The following VPS50 variants were observed in gnomAD, a reference collection of about 807,000 sequenced individuals.
The protein encoded by VPS50 is syndetin.
Under a neutral mutation model 139.7 loss-of-function variants are expected in VPS50, and 70 were observed. That is an observed-to-expected ratio of 0.50 (90% CI 0.41 to 0.61). VPS50 has a LOEUF of 0.61. VPS50 is among the 20% of genes least tolerant of loss of function. The pLI, the probability that VPS50 is intolerant of heterozygous loss-of-function variation, is 0.00. For synonymous variants in VPS50, 365 were observed against 376.7 expected, an observed-to-expected ratio of 0.97 and a Z score of 0.36; for missense variants, 921 against 1,133.7, an observed-to-expected ratio of 0.81 and a Z score of 2.69.
intron 20 of VPS50, among the ~76,000 whole-genome samples, chr7:93,319,540 C>T (rs899619383): frequency 2.0e-5 from 3 of 152,080 alleles, no homozygotes; most frequent in African/African-American, 7.2e-5. Flanking sequence ...TTATTTTCTT[C>T]AGAACTGGAA....
At chr7:93,266,129 G>C (rs1161545275) in intron 9 of VPS50, among the ~76,000 whole-genome samples, 2 of 152,176 alleles carry the variant, frequency 1.3e-5, no homozygotes, top group African/African-American at 4.8e-5. Flanking sequence ...AAACAGACTG[G>C]AACGTCAGTG....
In VPS50 at chr7:93,348,554, C is replaced by T. The variant is rs1798468601; in HGVS notation, c.2208-157C>T. Among the ~76,000 whole-genome samples the T allele has an allele frequency of 2.6e-5, 4 of 152,124 alleles. No individual in the cohort carries two copies. In the South Asian group the frequency reaches 8.3e-4, roughly 32 times the overall value. On this transcript the variant is annotated intron_variant, in intron 23 of 27. Coordinates refer to ENST00000305866, the MANE Select transcript of VPS50 (RefSeq NM_017667.4). ...ATTTATTGTGTAGATTATAAATGAACATGTCAAGTGGTAGTACAGGTTCGT... is the reference window on the plus strand; with the variant it reads ...ATTTATTGTGTAGATTATAAATGAATATGTCAAGTGGTAGTACAGGTTCGT...
chr7:93,261,102 T>A (rs1228596986), intron 9 of VPS50, among the ~76,000 whole-genome samples: 1 of 152,228 alleles, frequency 6.6e-6, no homozygotes, highest in Admixed American at 6.5e-5. Context: ...GTGTGTTGAA[T>A]GTATTTAGAG....
At chr7:93,330,539 A>G (rs1797905592) in intron 21 of VPS50, among the ~76,000 whole-genome samples, 1 of 152,164 alleles carries the variant, frequency 6.6e-6, no homozygotes, top group African/African-American at 2.4e-5. Flanking sequence ...GGGTCACTTG[A>G]GCCCAGAAGT....
At chr7:93,353,783 T>A in intron 26 of VPS50, 22 bp downstream of exon 26, 1 of 1,574,062 alleles carries the variant, frequency 6.4e-7, no homozygotes, top group Non-Finnish European at 8.7e-7. Flanking sequence ...ATGAAAGCAT[T>A]ATTTGTTTCT....
chr7:93,247,099 G>GA (rs1795178709), intron 2 of VPS50, among the ~76,000 whole-genome samples: 1 of 151,944 alleles, frequency 6.6e-6, no homozygotes, highest in African/African-American at 2.4e-5. Context: ...GATCAAAATA[G>GA]AAAAATAGAC....
chr7:93,291,335 G>A (rs956019377), intron 12 of VPS50, among the ~76,000 whole-genome samples: 2 of 152,020 alleles, frequency 1.3e-5, no homozygotes, highest in African/African-American at 4.8e-5. Context: ...AAGGCCTGAG[G>A]TCCAGGCTAT....
chr7:93,259,522 C>T (rs2116842959), intron 8 of VPS50, 28 bp from the exon 9 acceptor site: 1 of 1,163,882 alleles, frequency 8.6e-7, no homozygotes, highest in Non-Finnish European at 1.3e-6. Context: ...GTTTCTATTC[C>T]AATGACTCCT....
At chr7:93,235,826 C>T (rs549453577) in intron 1 of VPS50, among the ~76,000 whole-genome samples, 79 of 152,200 alleles carry the variant, frequency 5.2e-4, no homozygotes, top group African/African-American at 1.8e-3. Flanking sequence ...ATTTATGGGG[C>T]GAATCCAGGG....
At chr7:93,341,377 T>C (rs899189811) in intron 22 of VPS50, 50 bp from the exon 23 acceptor site, 2 of 1,349,526 alleles carry the variant, frequency 1.5e-6, no homozygotes, top group East Asian at 4.9e-5. Flanking sequence ...TCACGTGGTT[T>C]ATTACTGTTA....
intron 22 of VPS50, among the ~76,000 whole-genome samples, chr7:93,341,218 G>A (rs1374204208): frequency 6.6e-6 from 1 of 152,116 alleles, no homozygotes; most frequent in Non-Finnish European, 1.5e-5. Flanking sequence ...TGTAGAGTTG[G>A]ATGATATTAT....
intron 1 of VPS50, among the ~76,000 whole-genome samples, chr7:93,238,407 T>G (rs1003766270): frequency 4.6e-5 from 7 of 152,112 alleles, no homozygotes; most frequent in African/African-American, 1.7e-4. Flanking sequence ...ACCAATGACT[T>G]CTACCTAATA....
rs1055158373 is a variant in VPS50 at position 93,257,339 on chromosome 7, T to C, written c.352-55T>C. The C allele has an allele frequency of 3.1e-5, 34 of 1,091,546 alleles. No individual in the cohort carries two copies. The Admixed American group carries it at 6.1e-4, about 20-fold the overall frequency. The allele number at this position is 1,091,546 out of a possible 1,614,324, so 67.6% of individuals were successfully genotyped here. A position where few individuals can be genotyped will look rare whatever the true frequency, so the allele number is the denominator to read the frequency against. The stretch of plus-strand genomic sequence containing the variant: ...AGTTTTTGTTAGAGTACTATATAAA[T>C]AAGAAAGAAAAATAAAATACCTCCA... On this transcript the variant is annotated intron_variant, in intron 5 of 27. Coordinates refer to ENST00000305866, the MANE Select transcript of VPS50 (RefSeq NM_017667.4).
At chr7:93,304,245 G>T (rs993570189) in intron 17 of VPS50, among the ~76,000 whole-genome samples, 1 of 151,658 alleles carries the variant, frequency 6.6e-6, no homozygotes, top group African/African-American at 2.4e-5. Flanking sequence ...CAGAAAGTAT[G>T]GTGTGTTTAG....
At chr7:93,323,520 T>G in intron 20 of VPS50, 91 bp from the exon 21 acceptor site, 1 of 381,924 alleles carries the variant, frequency 2.6e-6, no homozygotes, top group Non-Finnish European at 4.2e-6. Flanking sequence ...TTTAAATATT[T>G]TAGTATAATA....
At chr7:93,289,501 A>G (rs1796588599) in intron 12 of VPS50, among the ~76,000 whole-genome samples, 1 of 152,032 alleles carries the variant, frequency 6.6e-6, no homozygotes. Context: ...GTTTTTTGCT[A>G]TACAAATTGT....
chr7:93,281,593 T>G (rs1167403533), intron 12 of VPS50, among the ~76,000 whole-genome samples: 1 of 152,204 alleles, frequency 6.6e-6, no homozygotes, highest in East Asian at 1.9e-4. Context: ...TTTTCTGTTT[T>G]CCGACTTCTT....
At chr7:93,249,735 G>A (rs949221171) in intron 2 of VPS50, among the ~76,000 whole-genome samples, 9 of 152,148 alleles carry the variant, frequency 5.9e-5, no homozygotes. Flanking sequence ...TCAGCTTACA[G>A]TATATGAAGC....
intron 4 of VPS50, 118 bp downstream of exon 4, chr7:93,254,049 T>C: frequency 3.9e-6 from 2 of 513,994 alleles, no homozygotes; most frequent in Non-Finnish European, 7.0e-6. Flanking sequence ...ACAAATCTTG[T>C]TATTTAACAT....
Sources: allele counts gnomAD v4.1 joint callset (sites outside exome capture counted in the v4.1 genomes callset), GRCh38; gene constraint gnomAD v4.1.1; transcripts MANE v1.5; gene names NCBI Gene and HGNC (gene_info 2026-07-23, HGNC 2026-07-21).